The following FMN2 variants were observed in gnomAD, a reference collection of about 807,000 sequenced individuals.
FMN2 encodes the protein formin-2.
FMN2 carries 51 observed loss-of-function variants against 142.3 expected under a neutral mutation model. The ratio of observed to expected loss-of-function variants is 0.36; its 90% CI spans 0.29 to 0.45. The LOEUF is 0.45. Among genes scored for constraint, FMN2 ranks in the 20% least tolerant of loss-of-function variants. The pLI is 1.00. For synonymous variants in FMN2, 882 were observed against 869.8 expected (o/e 1.01, Z -0.25); for missense variants, 1,936 against 2,122.8 (o/e 0.91, Z 1.73).
intron 16 of FMN2, among the ~76,000 whole-genome samples, chr1:240,470,207 G>GAAAAA (rs11422809): frequency 4.6e-5 from 6 of 131,066 alleles, no homozygotes; most frequent in African/African-American, 1.4e-4. Flanking sequence ...ACTAAGTGCT[G>GAAAAA]AAAAAAAAAA....
At chr1:240,311,656 G>T (rs907043041) in intron 8 of FMN2, among the ~76,000 whole-genome samples, 4 of 152,136 alleles carry the variant, frequency 2.6e-5, no homozygotes, top group Admixed American at 6.5e-5. Flanking sequence ...GACACTGCCT[G>T]TCACATCATA....
chr1:240,134,219 G>C (rs747929932), intron 2 of FMN2, among the ~76,000 whole-genome samples: 9 of 152,174 alleles, frequency 5.9e-5, no homozygotes, highest in Non-Finnish European at 1.3e-4. Context: ...ATTTTGTAAA[G>C]AAGAGAGCTG....
intron 15 of FMN2, among the ~76,000 whole-genome samples, chr1:240,395,151 C>T (rs1362581663): frequency 6.6e-6 from 1 of 152,056 alleles, no homozygotes; most frequent in Non-Finnish European, 1.5e-5. Context: ...ATAAATGGAA[C>T]AACAAAGCCT....
chr1:240,254,237 G>A (rs1422407518), intron 6 of FMN2, among the ~76,000 whole-genome samples: 1 of 152,150 alleles, frequency 6.6e-6, no homozygotes, highest in Non-Finnish European at 1.5e-5. Flanking sequence ...TGGTGTTGCA[G>A]TGGCTATGAC....
At chr1:240,147,933 T>C (rs1490908420) in intron 2 of FMN2, among the ~76,000 whole-genome samples, 1 of 152,208 alleles carries the variant, frequency 6.6e-6, no homozygotes, top group African/African-American at 2.4e-5. Context: ...CGGGAAAGTC[T>C]TGCTCTAGAA....
chr1:240,471,071 G>A (rs1676790384), intron 16 of FMN2, among the ~76,000 whole-genome samples: 1 of 152,182 alleles, frequency 6.6e-6, no homozygotes, highest in African/African-American at 2.4e-5. Flanking sequence ...AAATAGCAGA[G>A]CCAGAACTTC....
At chr1:240,208,824 T>C in intron 5 of FMN2, 92 bp downstream of exon 5, 1 of 1,456,690 alleles carries the variant, frequency 6.9e-7, no homozygotes, top group Non-Finnish European at 9.2e-7. Context: ...GTTGAATGTA[T>C]TTTTAAGCAC....
intron 7 of FMN2, among the ~76,000 whole-genome samples, chr1:240,264,122 C>G (rs1668718506): frequency 6.6e-6 from 1 of 152,046 alleles, no homozygotes; most frequent in African/African-American, 2.4e-5. Flanking sequence ...TTAAGGGTAC[C>G]TTACAAGGAC....
intron 14 of FMN2, among the ~76,000 whole-genome samples, chr1:240,358,722 T>C (rs2103050903): frequency 6.6e-6 from 1 of 152,186 alleles, no homozygotes; most frequent in Non-Finnish European, 1.5e-5. Flanking sequence ...CATGGAGAAA[T>C]GGCCCCCATG....
intron 8 of FMN2, among the ~76,000 whole-genome samples, chr1:240,323,794 C>T (rs1189381129): frequency 1.3e-5 from 2 of 152,138 alleles, no homozygotes; most frequent in Admixed American, 6.5e-5. Context: ...TTGCCTGTTT[C>T]TTGATAGGTG....
At chr1:240,189,850 AC>A (rs750624728) in intron 4 of FMN2, among the ~76,000 whole-genome samples, 8 of 141,820 alleles carry the variant, frequency 5.6e-5, no homozygotes, top group Admixed American at 2.8e-4. Flanking sequence ...GAAAGATAGT[AC>A]CCTCAAATCT....
chr1:240,431,899 A>G (rs1675192132), intron 15 of FMN2, among the ~76,000 whole-genome samples: 4 of 151,036 alleles, frequency 2.6e-5, no homozygotes, highest in Admixed American at 2.6e-4. Flanking sequence ...GCTTATGCTC[A>G]TGAGGGATAT....
chr1:240,264,575 C>T (rs1420461973), intron 7 of FMN2, among the ~76,000 whole-genome samples: 1 of 152,050 alleles, frequency 6.6e-6, no homozygotes, highest in East Asian at 1.9e-4. Flanking sequence ...TGTTCCCCTC[C>T]TTGTATCCAT....
chr1:240,266,940 A>T (rs1293175471), intron 7 of FMN2, among the ~76,000 whole-genome samples: 1 of 152,168 alleles, frequency 6.6e-6, no homozygotes, highest in Non-Finnish European at 1.5e-5. Context: ...ACATATAAAA[A>T]TTAACTCAAG....
chr1:240,278,297 A>G (rs1669285772), intron 7 of FMN2, among the ~76,000 whole-genome samples: 1 of 152,198 alleles, frequency 6.6e-6, no homozygotes, highest in South Asian at 2.1e-4. Flanking sequence ...CACATAGCAC[A>G]AGGTCTGGGT....
At chr1:240,149,756 G>A (rs1484678288) in intron 2 of FMN2, among the ~76,000 whole-genome samples, 1 of 152,160 alleles carries the variant, frequency 6.6e-6, no homozygotes, top group African/African-American at 2.4e-5. Flanking sequence ...TTACAGGAAG[G>A]CGTCTTAAAA....
intron 8 of FMN2, among the ~76,000 whole-genome samples, chr1:240,296,193 C>CT (rs59482806): frequency 0.03 from 3,657 of 121,098 alleles, 102 homozygotes; most frequent in African/African-American, 0.083. Context: ...TTATGTAGTA[C>CT]TTTTTTTTTT....
At chr1:240,441,354 C>A (rs1328966124) in intron 16 of FMN2, among the ~76,000 whole-genome samples, 4 of 151,988 alleles carry the variant, frequency 2.6e-5, no homozygotes, top group Non-Finnish European at 5.9e-5. Context: ...GTTTTGAATG[C>A]CCTGGGACAT....
chr1:240,228,852 T>C (rs183515171), intron 6 of FMN2, among the ~76,000 whole-genome samples: 1 of 152,108 alleles, frequency 6.6e-6, no homozygotes, highest in African/African-American at 2.4e-5. Context: ...TAAAGCATAA[T>C]ATAGTTTTAT....
Sources: gnomAD v4.1 joint callset for allele counts (sites outside exome capture counted in the v4.1 genomes callset) on GRCh38, gnomAD v4.1.1 for gene constraint, MANE v1.5 for transcripts, NCBI Gene and HGNC (gene_info 2026-07-23, HGNC 2026-07-21) for gene names.